The following ADAMTSL1 variants were observed in gnomAD, a reference collection of about 807,000 sequenced individuals.
ADAMTSL1 encodes the protein ADAMTS like 1, also known as ADAMTS-like protein 1.
In ADAMTSL1, 126 loss-of-function variants were observed where a neutral mutation model predicts 201.8. The observed-to-expected ratio is 0.62, with a 90% CI of 0.54 to 0.72. The LOEUF (loss-of-function observed/expected upper bound fraction) is 0.72, where lower values mean the gene tolerates loss of function less well. ADAMTSL1 is among the 30% of genes least tolerant of loss of function. The pLI, the probability that ADAMTSL1 is intolerant of heterozygous loss-of-function variation, is 0.00. For missense variants in ADAMTSL1, 2,679 were observed against 2,277.8 expected (o/e 1.18, Z -3.59); for synonymous variants, 1,121 against 903.4 (o/e 1.24, Z -4.32).
At chr9:18,349,216 T>C (rs1440360670) in intron 2 of ADAMTSL1, among the ~76,000 whole-genome samples, 2 of 152,184 alleles carry the variant, frequency 1.3e-5, no homozygotes, top group Non-Finnish European at 2.9e-5. Context: ...ATGAGACTTA[T>C]GTGGATTGTT....
At chr9:18,154,983 G>A (rs1387343211) in intron 1 of ADAMTSL1, among the ~76,000 whole-genome samples, 1 of 152,020 alleles carries the variant, frequency 6.6e-6, no homozygotes, top group Non-Finnish European at 1.5e-5. Flanking sequence ...GTATGGTGAG[G>A]GTTGCTGGTG....
At chr9:18,040,693 G>A (rs539485037) in intron 1 of ADAMTSL1, among the ~76,000 whole-genome samples, 200 of 152,178 alleles carry the variant, frequency 1.3e-3, no homozygotes, top group African/African-American at 4.6e-3. Flanking sequence ...ACTGGAGAAA[G>A]CTTACAACCT....
intron 8 of ADAMTSL1, among the ~76,000 whole-genome samples, chr9:18,658,124 G>A (rs1304243709): frequency 7.2e-5 from 11 of 152,074 alleles, no homozygotes; most frequent in Admixed American, 6.5e-4. Flanking sequence ...GCAGGCGCCC[G>A]CCACCACGCC....
chr9:18,723,110 T>G, intron 15 of ADAMTSL1: 1 of 771,844 alleles, frequency 1.3e-6, no homozygotes, highest in Non-Finnish European at 2.4e-6. Flanking sequence ...CAACTAGCTC[T>G]GTGGCCTAGG....
chr9:18,702,621 T>C (rs1267884145), intron 13 of ADAMTSL1, among the ~76,000 whole-genome samples: 2 of 152,160 alleles, frequency 1.3e-5, no homozygotes, highest in Non-Finnish European at 2.9e-5. Context: ...CCAGGTGTGG[T>C]TTGTTGTTGT....
At chr9:18,374,699 C>G (rs1223144123) in intron 2 of ADAMTSL1, among the ~76,000 whole-genome samples, 1 of 152,170 alleles carries the variant, frequency 6.6e-6, no homozygotes, top group African/African-American at 2.4e-5. Flanking sequence ...CTCCTTAAAG[C>G]AAACGCATTG....
chr9:18,604,027 C>CCTAT (rs1824846069), intron 4 of ADAMTSL1, among the ~76,000 whole-genome samples: 1 of 152,182 alleles, frequency 6.6e-6, no homozygotes, highest in East Asian at 1.9e-4. Context: ...CATATTTATC[C>CCTAT]CTATGCATTT....
intron 2 of ADAMTSL1, among the ~76,000 whole-genome samples, chr9:18,371,309 T>A (rs945526393): frequency 6.6e-6 from 1 of 152,196 alleles, no homozygotes; most frequent in Admixed American, 6.5e-5. Flanking sequence ...ATTAGAATAA[T>A]ACATTCTGAT....
intron 1 of ADAMTSL1, among the ~76,000 whole-genome samples, chr9:17,934,561 A>T (rs1826925820): frequency 6.6e-6 from 1 of 152,176 alleles, no homozygotes; most frequent in African/African-American, 2.4e-5. Flanking sequence ...ATGCTGCTCA[A>T]CAATGATACC....
At chr9:18,257,037 A>C (rs954758099) in intron 2 of ADAMTSL1, among the ~76,000 whole-genome samples, 1 of 152,204 alleles carries the variant, frequency 6.6e-6, no homozygotes, top group African/African-American at 2.4e-5. Context: ...GATATCTTCA[A>C]CTTATCTTAA....
chr9:18,860,567 C>CTTT (rs1356236731), intron 23 of ADAMTSL1, among the ~76,000 whole-genome samples: 1 of 151,672 alleles, frequency 6.6e-6, no homozygotes, highest in Non-Finnish European at 1.5e-5. Flanking sequence ...TGACAAACAT[C>CTTT]TTTTGACTAC....
intron 13 of ADAMTSL1, among the ~76,000 whole-genome samples, chr9:18,696,865 A>ATATTATTATTATTATTATTAT (rs142242579): frequency 0.047 from 6,744 of 142,186 alleles, 206 homozygotes; most frequent in Non-Finnish European, 0.051. Flanking sequence ...CATGTCAAAA[A>ATATTATTATTATTATTATTAT]TATTATTATT....
chr9:18,542,391 T>C (rs1820206283), intron 3 of ADAMTSL1, among the ~76,000 whole-genome samples: 1 of 152,224 alleles, frequency 6.6e-6, no homozygotes, highest in African/African-American at 2.4e-5. Context: ...ATGTTTTGAA[T>C]TATGTCCTCA....
At chr9:18,457,856 C>A (rs533610868) in intron 2 of ADAMTSL1, among the ~76,000 whole-genome samples, 1 of 152,284 alleles carries the variant, frequency 6.6e-6, no homozygotes, top group South Asian at 2.1e-4. Flanking sequence ...CAAAGTTATT[C>A]AAAAATCTCT....
At chr9:18,661,342 G>A (rs1005237778) in intron 8 of ADAMTSL1, among the ~76,000 whole-genome samples, 10 of 152,100 alleles carry the variant, frequency 6.6e-5, no homozygotes, top group African/African-American at 1.9e-4. Flanking sequence ...TAATTCTGCA[G>A]GGAAACAGGA....
At chr9:18,179,251 C>T (rs999119097) in intron 2 of ADAMTSL1, among the ~76,000 whole-genome samples, 2 of 151,918 alleles carry the variant, frequency 1.3e-5, no homozygotes, top group African/African-American at 4.8e-5. Flanking sequence ...GGAGCCGATG[C>T]GATCAACTGG....
At chr9:18,702,317 A>G (rs1831970069) in intron 13 of ADAMTSL1, among the ~76,000 whole-genome samples, 1 of 152,210 alleles carries the variant, frequency 6.6e-6, no homozygotes, top group African/African-American at 2.4e-5. Flanking sequence ...GTGCTAGCTA[A>G]TATCTGTGGT....
At chr9:18,821,403 A>C (rs183279168) in intron 21 of ADAMTSL1, among the ~76,000 whole-genome samples, 5 of 152,256 alleles carry the variant, frequency 3.3e-5, no homozygotes, top group African/African-American at 1.2e-4. Flanking sequence ...CTATCCTATC[A>C]ACCAGGAGAG....
At chr9:18,402,647 C>A (rs1818027562) in intron 2 of ADAMTSL1, among the ~76,000 whole-genome samples, 1 of 152,266 alleles carries the variant, frequency 6.6e-6, no homozygotes, top group South Asian at 2.1e-4. Flanking sequence ...CAACACCTTT[C>A]AGTACATTAA....
Sources: gnomAD v4.1 joint callset for allele counts (sites outside exome capture counted in the v4.1 genomes callset) on GRCh38, gnomAD v4.1.1 for gene constraint, MANE v1.5 for transcripts, NCBI Gene and HGNC (gene_info 2026-07-23, HGNC 2026-07-21) for gene names.